Variants in STPG2 observed in about 807,000 individuals in gnomAD.
STPG2 encodes sperm tail PG-rich repeat containing 2.
In STPG2, 56 loss-of-function variants were observed where a neutral mutation model predicts 54.2. The ratio of observed to expected loss-of-function variants is 1.03; its 90% CI spans 0.83 to 1.29. The LOEUF (loss-of-function observed/expected upper bound fraction) is 1.29, where lower values mean the gene tolerates loss of function less well. Ranked by LOEUF, STPG2 falls within the 50% of genes most tolerant of loss-of-function variation. The probability of loss-of-function intolerance (pLI) is 0.00; values close to 1 mark genes in which losing one functional copy is unlikely to be tolerated. For synonymous variants in STPG2, 200 were observed against 181.8 expected (o/e 1.10, Z -0.81); for missense variants, 596 against 544.9 (o/e 1.09, Z -0.93).
chr4:97,671,843 A>G (rs1305295396), intron 10 of STPG2, among the ~76,000 whole-genome samples: 20 of 152,222 alleles, frequency 1.3e-4, no homozygotes, highest in Admixed American at 1.3e-3. Context: ...TGGCCTCACA[A>G]AAAGAAAACC....
chr4:97,605,810 CA>C (rs201278737), intron 10 of STPG2, among the ~76,000 whole-genome samples: 8 of 142,568 alleles, frequency 5.6e-5, no homozygotes, highest in African/African-American at 2.2e-4. Context: ...TGCATTAATA[CA>C]AAAAAAAGAA....
At chr4:97,601,748 T>C (rs911654739) in intron 10 of STPG2, among the ~76,000 whole-genome samples, 24 of 152,098 alleles carry the variant, frequency 1.6e-4, no homozygotes, top group African/African-American at 4.6e-4. Context: ...TAATGTGGTA[T>C]GGAAATTTCT....
intron 5 of STPG2, among the ~76,000 whole-genome samples, chr4:98,036,929 A>C (rs1736797692): frequency 6.6e-6 from 1 of 152,128 alleles, no homozygotes; most frequent in Non-Finnish European, 1.5e-5. Flanking sequence ...TAAGCCACAA[A>C]ATTTTTCAAG....
At chr4:97,875,863 A>G (rs1007866439) in intron 8 of STPG2, among the ~76,000 whole-genome samples, 25 of 152,048 alleles carry the variant, frequency 1.6e-4, no homozygotes, top group Non-Finnish European at 2.9e-4. Flanking sequence ...ACAATCATAA[A>G]TATACAACAA....
chr4:98,031,407 G>A (rs973687319), intron 5 of STPG2, among the ~76,000 whole-genome samples: 3 of 152,190 alleles, frequency 2.0e-5, no homozygotes, highest in Middle Eastern at 3.4e-3. Flanking sequence ...GGCCAGGCAT[G>A]GTGGCTCACA....
intron 8 of STPG2, among the ~76,000 whole-genome samples, chr4:97,929,520 G>T (rs1009097895): frequency 6.6e-6 from 1 of 152,058 alleles, no homozygotes; most frequent in Non-Finnish European, 1.5e-5. Context: ...TTTTTTCTCT[G>T]CAACCTCACT....
At chr4:97,541,282 C>T (rs1423593629) in intron 4 of STPG2, among the ~76,000 whole-genome samples, 3 of 152,128 alleles carry the variant, frequency 2.0e-5, no homozygotes, top group Middle Eastern at 3.4e-3. Context: ...TCTCAGGATA[C>T]AAAATCAATG....
chr4:97,665,322 G>A (rs1722491496), intron 10 of STPG2, among the ~76,000 whole-genome samples: 1 of 152,136 alleles, frequency 6.6e-6, no homozygotes, highest in Non-Finnish European at 1.5e-5. Flanking sequence ...ACAAGTGGAG[G>A]GTAGGCAAGG....
rs145790415 is a variant in STPG2, at chr4:97,477,270, G to C, written c.462+235429C>G. On this transcript the variant is annotated intron_variant, in intron 4 of 4. Transcript: ENST00000522676. ...CAGTCACATTTGTTCTCTGACACAG[G>C]GGTCATTTATAATGACAATTTATCA... 5.1e-4 allele frequency among the ~76,000 whole-genome samples: 77 copies of C among 151,888 alleles called. No individual in the cohort carries two copies. In the East Asian group the frequency reaches 0.014, roughly 28 times the overall value.
intron 9 of STPG2, among the ~76,000 whole-genome samples, chr4:97,767,353 T>G (rs1726086071): frequency 6.6e-6 from 1 of 152,178 alleles, no homozygotes; most frequent in Non-Finnish European, 1.5e-5. Flanking sequence ...TCCTTGCTAA[T>G]TTTTTAAAGA....
chr4:97,865,048 TA>T (rs1291680529), intron 8 of STPG2, among the ~76,000 whole-genome samples: 1 of 152,070 alleles, frequency 6.6e-6, no homozygotes, highest in Non-Finnish European at 1.5e-5. Context: ...ACTTCATGTC[TA>T]AAACACCAAA....
intron 1 of STPG2, 117 bp downstream of exon 1, chr4:98,142,922 TTTG>T (rs1740339293): frequency 1.2e-6 from 1 of 833,542 alleles, no homozygotes; most frequent in African/African-American, 1.7e-5. Context: ...TACTTCATGT[TTTG>T]TTATGTTTAC....
In STPG2 at chr4:98,095,850, A is replaced by G. The variant is rs560123939; in HGVS notation, c.612+10103T>C. Among the ~76,000 whole-genome samples the G allele has an allele frequency of 5.9e-5, 9 of 152,286 alleles. No homozygotes were observed. In the South Asian group the frequency reaches 1.0e-3, roughly 18 times the overall value. ...AGATATTTACAGAACATTTCACTCA[A>G]TGCAGAATACACACTCTTCTCCTCA... On this transcript the variant is annotated intron_variant, in intron 5 of 10. Coordinates refer to ENST00000295268, the MANE Select transcript of STPG2 (RefSeq NM_174952.3).
chr4:97,936,527 T>G (rs1437264190), intron 8 of STPG2, among the ~76,000 whole-genome samples: 1 of 152,196 alleles, frequency 6.6e-6, no homozygotes, highest in Non-Finnish European at 1.5e-5. Context: ...AGTTTTACCT[T>G]TCCTTATTCA....
chr4:97,893,543 A>C (rs1226292480), intron 8 of STPG2, among the ~76,000 whole-genome samples: 1 of 152,040 alleles, frequency 6.6e-6, no homozygotes, highest in Non-Finnish European at 1.5e-5. Context: ...CAGTCCCTAG[A>C]TGAGGCCCTT....
At position 97,616,187 on chromosome 4, in the gene STPG2, T is replaced by C. The variant is rs567044268; in HGVS notation, c.1321-57070A>G. On this transcript the variant is annotated intron_variant, in intron 10 of 10. Transcript: ENST00000295268. ...AAAGATGAGATCATTTGGAAAACCA[T>C]AGAGAAATATGAAGGTTCCTAAAGA... 4.7e-5 allele frequency among the ~76,000 whole-genome samples: 7 copies of C among 147,832 alleles called. No homozygotes were observed. In the South Asian group the frequency reaches 1.5e-3, roughly 32 times the overall value.
rs191951750 is a variant in STPG2 at position 98,000,564 on chromosome 4, G to A, written c.613-19246C>T. Among the ~76,000 whole-genome samples, 16 of 152,204 alleles carry A rather than the reference G, an allele frequency of 1.1e-4. 1 individual carries two copies. The highest frequency in any genetic ancestry group is 7.2e-4 in the Admixed American group (11 of 15,278). ...TTACAATTGTTTGCATAATTGCAACGTAAATTTTGGTTAATTTAGAAAGTA... is the reference window on the plus strand; with the variant it reads ...TTACAATTGTTTGCATAATTGCAACATAAATTTTGGTTAATTTAGAAAGTA... On this transcript the variant is annotated intron_variant, in intron 5 of 10. Transcript: ENST00000295268.
chr4:98,069,910 A>T (rs1461629060), intron 5 of STPG2, among the ~76,000 whole-genome samples: 1 of 152,000 alleles, frequency 6.6e-6, no homozygotes, highest in Non-Finnish European at 1.5e-5. Context: ...GGAAGTAAGG[A>T]TGGGCAGGTT....
chr4:97,490,949 A>T (rs1371616367), intron 4 of STPG2, among the ~76,000 whole-genome samples: 1 of 151,530 alleles, frequency 6.6e-6, no homozygotes, highest in Admixed American at 6.6e-5. Flanking sequence ...AGTTAATATG[A>T]CCTCAGTTTA....
Sources: allele counts gnomAD v4.1 joint callset (sites outside exome capture counted in the v4.1 genomes callset), GRCh38; gene constraint gnomAD v4.1.1; transcripts MANE v1.5; gene names NCBI Gene and HGNC (gene_info 2026-07-23, HGNC 2026-07-21).